The following PTK7 variants were observed in gnomAD, a reference collection of about 807,000 sequenced individuals.
PTK7 encodes the protein protein tyrosine kinase 7 (inactive), also known as inactive tyrosine-protein kinase 7.
In PTK7, 39 loss-of-function variants were observed where a neutral mutation model predicts 116.6. The ratio of observed to expected loss-of-function variants is 0.33; its 90% CI spans 0.26 to 0.44. The LOEUF (loss-of-function observed/expected upper bound fraction) is 0.44, where lower values mean the gene tolerates loss of function less well. Ranked by LOEUF, PTK7 falls within the 20% of genes least tolerant of loss-of-function variation. The probability of loss-of-function intolerance (pLI) is 1.00; values close to 1 mark genes in which losing one functional copy is unlikely to be tolerated. For missense variants in PTK7, 1,169 were observed against 1,425.6 expected, an observed-to-expected ratio of 0.82 and a Z score of 2.90; for synonymous variants, 546 against 563.6, an observed-to-expected ratio of 0.97 and a Z score of 0.44.
In PTK7 at chr6:43,160,073, G is replaced by A. The variant is rs556117563; in HGVS notation, c.3052+107G>A. 4 of 1,209,348 alleles carry A rather than the reference G, an allele frequency of 3.3e-6. No individual in the cohort carries two copies. In the Admixed American group the frequency reaches 7.5e-5, roughly 23 times the overall value. The allele number at this position is 1,209,348 out of a possible 1,614,324, so 74.9% of individuals were successfully genotyped here. ...ACCTCCCTCTCAGGGCTGCTACTGA[G>A]CAGGCACACAGATACAACCACTCTG... On this transcript the variant is annotated intron_variant, in intron 19 of 19. Coordinates refer to ENST00000230419, the MANE Select transcript of PTK7 (RefSeq NM_002821.5).
Position 43,143,299 on chromosome 6 carries a change from T to A in PTK7, c.2048-118T>A. ...CCCTTGTTAAAGCCAGTGAAGGTGG[T>A]GACCCTCCCGGGCCATCTGTTAAGT... is the stretch of plus-strand genomic sequence containing the variant. On this transcript the variant is annotated intron_variant, in intron 13 of 19. Coordinates refer to ENST00000230419, the MANE Select transcript of PTK7 (RefSeq NM_002821.5). This position sits in a 1 kb window ranked among gnomAD's most constrained non-coding sequence, Gnocchi z 4.2. 1 of 966,460 alleles carries A rather than the reference T, an allele frequency of 1.0e-6. No individual in the cohort carries two copies. The highest frequency in any genetic ancestry group is 1.6e-5 in the South Asian group (1 of 63,232). 59.9% of individuals were successfully genotyped at this position (966,460 alleles called of 1,614,324 possible).
chr6:43,148,353 C>T (rs1009639655), intron 17 of PTK7, among the ~76,000 whole-genome samples: 3 of 152,108 alleles, frequency 2.0e-5, no homozygotes, highest in African/African-American at 7.2e-5. Context: ...GCCTTACAGA[C>T]TTGAGGTAAA....
At chr6:43,135,952 G>A (rs924261745) in intron 7 of PTK7, among the ~76,000 whole-genome samples, 1 of 152,184 alleles carries the variant, frequency 6.6e-6, no homozygotes, top group Non-Finnish European at 1.5e-5. Context: ...CACTTTGGGA[G>A]GCCGAGGCAG....
At chr6:43,123,614 G>A (rs1769093875) in intron 1 of PTK7, among the ~76,000 whole-genome samples, 2 of 151,662 alleles carry the variant, frequency 1.3e-5, no homozygotes, top group South Asian at 4.2e-4. Context: ...GGGTGGGGGT[G>A]GAGGGCAGGC....
At chr6:43,126,156 C>CA (rs1769274069) in intron 1 of PTK7, among the ~76,000 whole-genome samples, 1 of 151,960 alleles carries the variant, frequency 6.6e-6, no homozygotes, top group Non-Finnish European at 1.5e-5. Flanking sequence ...CCTGTCTCCA[C>CA]AAAAAATACA....
chr6:43,077,211 C>G (rs753524310), intron 1 of PTK7, among the ~76,000 whole-genome samples: 2 of 152,366 alleles, frequency 1.3e-5, no homozygotes, highest in South Asian at 4.1e-4. Context: ...TGCGCCCACT[C>G]CGTGCCAGGG....
At chr6:43,123,227 T>A (rs1186652050) in intron 1 of PTK7, among the ~76,000 whole-genome samples, 1 of 152,218 alleles carries the variant, frequency 6.6e-6, no homozygotes, top group Non-Finnish European at 1.5e-5. Flanking sequence ...AGTGCTGGGA[T>A]TACAGGCGTG....
chr6:43,159,217 A>T (rs1284160950), intron 18 of PTK7, among the ~76,000 whole-genome samples: 2 of 152,234 alleles, frequency 1.3e-5, no homozygotes, highest in Admixed American at 1.3e-4. Context: ...TTTTTAAAAA[A>T]TAGGCAAATT....
chr6:43,123,445 G>A (rs1022915961), intron 1 of PTK7, among the ~76,000 whole-genome samples: 2 of 152,114 alleles, frequency 1.3e-5, no homozygotes, highest in African/African-American at 4.8e-5. Flanking sequence ...ACTTAGAGTG[G>A]GAGTGCCTAG....
At chr6:43,133,938 A>G (rs2150436677) in intron 7 of PTK7, among the ~76,000 whole-genome samples, 1 of 152,340 alleles carries the variant, frequency 6.6e-6, no homozygotes, top group East Asian at 1.9e-4. Flanking sequence ...CACATGTGTA[A>G]CGAGTGCTCA....
intron 1 of PTK7, among the ~76,000 whole-genome samples, chr6:43,085,924 ACT>A (rs1766623906): frequency 7.0e-6 from 1 of 143,422 alleles, no homozygotes; most frequent in African/African-American, 2.7e-5. Flanking sequence ...CAAGAGCGAA[ACT>A]CTGTCTCAAA....
chr6:43,119,419 C>T (rs939523447), intron 1 of PTK7, among the ~76,000 whole-genome samples: 2 of 152,160 alleles, frequency 1.3e-5, no homozygotes, highest in East Asian at 3.8e-4. Context: ...CCTGCTTCTG[C>T]GGGAAGGACC....
At chr6:43,134,521 C>A (rs957944862) in intron 7 of PTK7, among the ~76,000 whole-genome samples, 2 of 152,014 alleles carry the variant, frequency 1.3e-5, no homozygotes. Context: ...GTGGCTCACG[C>A]TTGTAATCCC....
chr6:43,161,036 T>A lies in PTK7; in HGVS notation c.*155T>A. ...GGTCTGAGCAGGGCCTGGCCTTTCC[T>A]CCTCTTCCTCACCCTCATCCTTTGG... is the stretch of plus-strand genomic sequence containing the variant. On this transcript the variant is annotated 3_prime_UTR_variant, in exon 20 of 20. Transcript: ENST00000230419. The A allele has an allele frequency of 4.6e-6, 5 of 1,076,364 alleles. No homozygotes were observed. Among genetic ancestry groups the A allele is most frequent in the Non-Finnish European group, 6.5e-6 (5 of 774,462 alleles). 66.7% of individuals were successfully genotyped at this position (1,076,364 alleles called of 1,614,324 possible). A position where few individuals can be genotyped will look rare whatever the true frequency, so the allele number is the denominator to read the frequency against.
At chr6:43,107,729 A>AT (rs1767971292) in intron 1 of PTK7, among the ~76,000 whole-genome samples, 1 of 152,234 alleles carries the variant, frequency 6.6e-6, no homozygotes, top group Admixed American at 6.5e-5. Context: ...CCAGGATCCC[A>AT]TATTGGGCTT....
chr6:43,151,012 G>T (rs1771043664), intron 17 of PTK7, among the ~76,000 whole-genome samples: 1 of 151,288 alleles, frequency 6.6e-6, no homozygotes, highest in South Asian at 2.1e-4. Context: ...TAGCAGGGAT[G>T]AGGTTTCACC....
chr6:43,147,141 C>T (rs1169679736), intron 17 of PTK7, among the ~76,000 whole-genome samples: 3 of 152,244 alleles, frequency 2.0e-5, no homozygotes, highest in East Asian at 3.8e-4. Flanking sequence ...GAAGACTCTT[C>T]TGTGAATGGG....
chr6:43,118,102 CTTTTTTTTTTTT>C (rs10591741), intron 1 of PTK7, among the ~76,000 whole-genome samples: 2 of 123,150 alleles, frequency 1.6e-5, no homozygotes, highest in African/African-American at 6.0e-5. Flanking sequence ...TCAGATGGGC[CTTTTTTTTTTTT>C]TTTTTTTTGA....
chr6:43,112,311 C>T (rs960169297), intron 1 of PTK7, among the ~76,000 whole-genome samples: 5 of 151,808 alleles, frequency 3.3e-5, no homozygotes, highest in African/African-American at 1.2e-4. Context: ...CTCTGTCACC[C>T]AGGCTGGGGT....
Sources: gnomAD v4.1 joint callset for allele counts (sites outside exome capture counted in the v4.1 genomes callset) on GRCh38, gnomAD v4.1.1 for gene constraint, Gnocchi (gnomAD v3.1) non-coding constraint, MANE v1.5 for transcripts, NCBI Gene and HGNC (gene_info 2026-07-23, HGNC 2026-07-21) for gene names.